The following TTC6 variants were observed in gnomAD, a reference collection of about 807,000 sequenced individuals.
The protein encoded by TTC6 is tetratricopeptide repeat domain 6, also known as tetratricopeptide repeat protein 6.
A neutral mutation model predicts 210.4 loss-of-function variants in TTC6; 172 were observed. The observed-to-expected ratio is 0.82, with a 90% confidence interval of 0.72 to 0.93. The LOEUF (loss-of-function observed/expected upper bound fraction) is 0.93, where lower values mean the gene tolerates loss of function less well. Ranked by LOEUF, TTC6 falls within the 40% of genes least tolerant of loss-of-function variation. The probability of loss-of-function intolerance (pLI) is 0.00; values close to 1 mark genes in which losing one functional copy is unlikely to be tolerated. For synonymous variants in TTC6, 804 were observed against 819.6 expected, an observed-to-expected ratio of 0.98 and a Z score of 0.32; for missense variants, 2,414 against 2,318.1, an observed-to-expected ratio of 1.04 and a Z score of -0.85.
intron 1 of TTC6, among the ~76,000 whole-genome samples, chr14:37,645,338 C>T (rs1016413855): frequency 2.0e-5 from 3 of 152,186 alleles, no homozygotes; most frequent in African/African-American, 7.2e-5. Context: ...TTATTGGTCT[C>T]TAAAACAATT....
At chr14:37,623,820 G>A (rs1170257797) in intron 1 of TTC6, among the ~76,000 whole-genome samples, 4 of 152,140 alleles carry the variant, frequency 2.6e-5, no homozygotes, top group African/African-American at 7.2e-5. Flanking sequence ...TAAGCTAGAT[G>A]GGGTCATATT....
chr14:37,622,166 C>T, exon 1 of TTC6: 2 of 1,535,504 alleles, frequency 1.3e-6, no homozygotes, highest in Admixed American at 3.9e-5. Context: ...AGGATTTTCT[C>T]CGATTCAAGC....
chr14:37,751,916 G>C (rs1030152779), intron 13 of TTC6, among the ~76,000 whole-genome samples: 2 of 146,744 alleles, frequency 1.4e-5, no homozygotes, highest in Admixed American at 7.1e-5. Context: ...CTCTGCCTCC[G>C]GGATTCACGC....
At chr14:37,644,952 C>T (rs2095698839) in intron 1 of TTC6, among the ~76,000 whole-genome samples, 1 of 152,128 alleles carries the variant, frequency 6.6e-6, no homozygotes, top group Non-Finnish European at 1.5e-5. Context: ...TAATACTTAC[C>T]TTAAAATACT....
intron 17 of TTC6, among the ~76,000 whole-genome samples, chr14:37,793,992 A>T (rs1290624473): frequency 6.6e-6 from 1 of 152,210 alleles, no homozygotes; most frequent in Non-Finnish European, 1.5e-5. Flanking sequence ...ATGTACAAGA[A>T]TATATACTCC....
At chr14:37,656,510 T>C (rs970320986) in intron 1 of TTC6, among the ~76,000 whole-genome samples, 2 of 78,096 alleles carry the variant, frequency 2.6e-5, no homozygotes, top group African/African-American at 1.2e-4. Context: ...GGTGTGTGTG[T>C]GTGCGTGTGT....
At chr14:37,805,576 A>G (rs1438989026) in intron 21 of TTC6, among the ~76,000 whole-genome samples, 1 of 152,230 alleles carries the variant, frequency 6.6e-6, no homozygotes, top group African/African-American at 2.4e-5. Flanking sequence ...GCCAGTAAAT[A>G]TGAGACAAAT....
intron 2 of TTC6, among the ~76,000 whole-genome samples, chr14:37,612,606 G>C (rs1378584796): frequency 6.6e-6 from 1 of 152,116 alleles, no homozygotes; most frequent in East Asian, 1.9e-4. Flanking sequence ...TAAGAATATT[G>C]AGTCTTCTAA....
intron 20 of TTC6, among the ~76,000 whole-genome samples, chr14:37,801,599 T>G (rs757004651): frequency 1.3e-5 from 2 of 152,192 alleles, no homozygotes; most frequent in Non-Finnish European, 2.9e-5. Context: ...AGAGAGGTTC[T>G]CCTGCTGGCC....
intron 20 of TTC6, among the ~76,000 whole-genome samples, chr14:37,797,335 ATT>A (rs894643095): frequency 1.3e-5 from 2 of 151,990 alleles, no homozygotes; most frequent in African/African-American, 4.8e-5. Context: ...AATAATTGAT[ATT>A]GTTAGGCTTT....
At chr14:37,659,509 G>GTTTTATTTTATTTTATTTTA (rs60653547) in intron 1 of TTC6, among the ~76,000 whole-genome samples, 1 of 149,354 alleles carries the variant, frequency 6.7e-6, no homozygotes, top group African/African-American at 2.5e-5. Flanking sequence ...TCTCGTTGTC[G>GTTTTATTTTATTTTATTTTA]TTTTATTTTA....
chr14:37,765,217 T>C lies in TTC6; in HGVS notation c.3266+11982T>C, dbSNP rs958646546. ...TCACTCTGTGCCCCAGGCTGGAATA[T>C]AGTGGTGCAATCACAGCTTACTACA... On this transcript the variant is annotated intron_variant, in intron 14 of 30. Coordinates refer to ENST00000553443, the Ensembl canonical transcript of TTC6. Among the ~76,000 whole-genome samples, 13 of 152,032 alleles carry C rather than the reference T, an allele frequency of 8.6e-5. No individual in the cohort carries two copies. The East Asian group carries it at 1.7e-3, about 20-fold the overall frequency.
At chr14:37,772,116 G>A (rs536920033) in intron 14 of TTC6, among the ~76,000 whole-genome samples, 10 of 152,298 alleles carry the variant, frequency 6.6e-5, no homozygotes, top group Admixed American at 3.9e-4. Context: ...TAGGCTGCTC[G>A]GGGATCAGGG....
intron 7 of TTC6, among the ~76,000 whole-genome samples, chr14:37,732,548 G>C (rs530561799): frequency 5.9e-5 from 9 of 151,800 alleles, no homozygotes; most frequent in Non-Finnish European, 1.2e-4. Flanking sequence ...AAGATTATAA[G>C]GAAGAGAAAA....
intron 1 of TTC6, among the ~76,000 whole-genome samples, chr14:37,633,774 C>G (rs2139353663): frequency 6.6e-6 from 1 of 152,240 alleles, no homozygotes; most frequent in Non-Finnish European, 1.5e-5. Flanking sequence ...ATGTGGAGAA[C>G]AGTAATGAGA....
chr14:37,655,313 GA>G (rs1490903630), intron 1 of TTC6, among the ~76,000 whole-genome samples: 1 of 152,050 alleles, frequency 6.6e-6, no homozygotes, highest in African/African-American at 2.4e-5. Context: ...AAAATTCTAG[GA>G]AAAAAATGGA....
At chr14:37,668,418 G>T (rs2095752327) in intron 1 of TTC6, among the ~76,000 whole-genome samples, 1 of 150,206 alleles carries the variant, frequency 6.7e-6, no homozygotes, top group African/African-American at 2.4e-5. Flanking sequence ...ACTTTAGCTT[G>T]GTCAGCTCTG....
chr14:37,678,950 G>A (rs1328917379), intron 1 of TTC6, among the ~76,000 whole-genome samples: 1 of 152,178 alleles, frequency 6.6e-6, no homozygotes, highest in Non-Finnish European at 1.5e-5. Flanking sequence ...CAGGCACAGT[G>A]TCTCATGCCT....
chr14:37,621,807 T>C (rs1217803489), upstream of TTC6, among the ~76,000 whole-genome samples: 2 of 151,940 alleles, frequency 1.3e-5, no homozygotes, highest in Non-Finnish European at 2.9e-5. Flanking sequence ...AGAAATCCAA[T>C]AGGGGTTTGG....
Sources: allele counts gnomAD v4.1 joint callset (sites outside exome capture counted in the v4.1 genomes callset), GRCh38; gene constraint gnomAD v4.1.1; transcripts MANE v1.5; gene names NCBI Gene and HGNC (gene_info 2026-07-23, HGNC 2026-07-21).